Variants in CELF2 observed in about 807,000 individuals in gnomAD.
The protein encoded by CELF2 is CUGBP Elav-like family member 2.
Under a neutral mutation model 62.6 loss-of-function variants are expected in CELF2, and 8 were observed. That is an observed-to-expected ratio of 0.13 (90% confidence interval 0.07 to 0.23). The LOEUF (loss-of-function observed/expected upper bound fraction) is 0.23, where lower values mean the gene tolerates loss of function less well. CELF2 is among the 10% of genes least tolerant of loss of function. The pLI, the probability that CELF2 is intolerant of heterozygous loss-of-function variation, is 1.00. For synonymous variants in CELF2, 258 were observed against 250.0 expected (o/e 1.03, Z -0.30); for missense variants, 333 against 671.0 (o/e 0.50, Z 5.56).
At chr10:10,558,779 G>A in the CELF2 span, among the ~76,000 whole-genome samples, 1 of 152,052 alleles carries the variant, frequency 6.6e-6, no homozygotes, top group Admixed American at 6.6e-5. Context: ...TGTATGTGTC[G>A]AGGAAATTTA....
chr10:10,765,534 T>C, the CELF2 span, among the ~76,000 whole-genome samples: 1 of 152,296 alleles, frequency 6.6e-6, no homozygotes, highest in East Asian at 1.9e-4. Context: ...TGGGCTTTAT[T>C]GCTGTGAGAA....
chr10:10,805,482 G>A (rs2055125316), intron 1 of CELF2, among the ~76,000 whole-genome samples: 2 of 152,182 alleles, frequency 1.3e-5, no homozygotes, highest in South Asian at 2.1e-4. Flanking sequence ...AGAGCTGCAG[G>A]AAGAGGTGTT....
Position 11,331,928 on chromosome 10 carries a change from TG to T in CELF2, c.*2877del, listed in dbSNP as rs1301770163. 2 of 152,430 alleles carry T rather than the reference TG, an allele frequency of 1.3e-5. No individual in the cohort carries two copies. The highest frequency in any genetic ancestry group is 2.9e-5 in the Non-Finnish European group (2 of 68,044). The allele number at this position is 152,430 out of a possible 1,614,324, so 9.4% of individuals were successfully genotyped here. The stretch of plus-strand genomic sequence containing the variant: ...AGTTTGTTTTGGGGTGTTTCCAATT[TG>T]GATTTTTTTCCCTGCATCTATCCTC... On this transcript the variant is annotated 3_prime_UTR_variant, in exon 13 of 13. Transcript: ENST00000633077.
chr10:10,534,443 G>A, the CELF2 span, among the ~76,000 whole-genome samples: 3 of 152,164 alleles, frequency 2.0e-5, no homozygotes, highest in East Asian at 1.9e-4. Context: ...GCGAGTTTCC[G>A]AGGAACCTAG....
the CELF2 span, among the ~76,000 whole-genome samples, chr10:10,604,641 C>T: frequency 6.6e-6 from 1 of 152,198 alleles, no homozygotes; most frequent in Admixed American, 6.5e-5. Context: ...GAATTACCTA[C>T]CTGTTCTAGC....
At chr10:10,520,776 C>T in the CELF2 span, among the ~76,000 whole-genome samples, 1 of 152,082 alleles carries the variant, frequency 6.6e-6, no homozygotes, top group Non-Finnish European at 1.5e-5. Flanking sequence ...AAACAAATAG[C>T]AGATGCATCA....
At chr10:11,082,972 GAATA>G (rs1455874739) in intron 1 of CELF2, among the ~76,000 whole-genome samples, 7 of 152,184 alleles carry the variant, frequency 4.6e-5, no homozygotes, top group Non-Finnish European at 7.3e-5. Flanking sequence ...TCTCTAAGCT[GAATA>G]AATAGATGTC....
rs2056847226 is a variant in CELF2, at chr10:11,117,650, A to C, written c.75-47836A>C. Reference sequence around the variant, plus strand: ...CATGAATATGATCCTTGCTGACATTAAAATGGAGCAGTGGTCTCCATTCCA... The same window carrying C: ...CATGAATATGATCCTTGCTGACATTCAAATGGAGCAGTGGTCTCCATTCCA... On this transcript the variant is annotated intron_variant, in intron 1 of 12. Transcript: ENST00000633077. This position sits in a 1 kb window ranked among gnomAD's most constrained non-coding sequence, Gnocchi z 4.1. Among the ~76,000 whole-genome samples the C allele has an allele frequency of 6.6e-6, 1 of 152,196 alleles. No homozygotes were observed. The highest frequency in any genetic ancestry group is 1.5e-5 in the Non-Finnish European group (1 of 68,024).
the CELF2 span, among the ~76,000 whole-genome samples, chr10:10,498,832 G>A: frequency 6.6e-6 from 1 of 152,122 alleles, no homozygotes; most frequent in Non-Finnish European, 1.5e-5. Context: ...ACAATTAATG[G>A]TCTCATTAAG....
At chr10:10,567,088 A>T in the CELF2 span, among the ~76,000 whole-genome samples, 4 of 152,238 alleles carry the variant, frequency 2.6e-5, no homozygotes, top group Admixed American at 6.5e-5. Context: ...AAGAAAAGAC[A>T]GTCTGAATAA....
chr10:11,038,644 G>A (rs746168967), intron 1 of CELF2, among the ~76,000 whole-genome samples: 1 of 152,072 alleles, frequency 6.6e-6, no homozygotes, highest in Non-Finnish European at 1.5e-5. Context: ...AGGAAAATTT[G>A]AATATCCATT....
rs928477262 is a variant in CELF2 at position 11,246,681 on chromosome 10, C to A, written c.355-2472C>A. Among the ~76,000 whole-genome samples the A allele has an allele frequency of 3.9e-5, 6 of 152,208 alleles. No individual in the cohort carries two copies. Among genetic ancestry groups the A allele is most frequent in the African/African-American group, 1.4e-4 (6 of 41,440 alleles). On this transcript the variant is annotated intron_variant, in intron 3 of 12. Coordinates refer to ENST00000633077, the MANE Select transcript of CELF2 (RefSeq NM_001326342.2). The surrounding 1 kb of genome is among the most constrained non-coding windows in gnomAD (Gnocchi z 4.6). Reference sequence around the variant, plus strand: ...CAGTTGCTCCTGCAGCTCCTCCTGCCCCTCACTCTGCTCTCCTTGGACTCC... The same window carrying A: ...CAGTTGCTCCTGCAGCTCCTCCTGCACCTCACTCTGCTCTCCTTGGACTCC...
At chr10:10,667,461 A>G in the CELF2 span, among the ~76,000 whole-genome samples, 7 of 152,222 alleles carry the variant, frequency 4.6e-5, no homozygotes, top group African/African-American at 1.7e-4. Flanking sequence ...GTTTTTTAGC[A>G]CAAAAGGCCA....
At position 11,165,300 on chromosome 10, in the gene CELF2, G is replaced by A. The variant is rs1257432912; in HGVS notation, c.75-186G>A. On this transcript the variant is annotated intron_variant, in intron 1 of 12. Transcript: ENST00000633077. This position sits in a 1 kb window ranked among gnomAD's most constrained non-coding sequence, Gnocchi z 7.4. ...AGCACGCAGTGAGAGCCTCGCCGCC[G>A]CCGAGGAGCAACTCATGGTGCCTCC... 7.1e-6 allele frequency: 10 copies of A among 1,401,026 alleles called. No individual in the cohort carries two copies. Among genetic ancestry groups the A allele is most frequent in the Non-Finnish European group, 9.3e-6 (10 of 1,079,730 alleles). 86.8% of individuals were successfully genotyped at this position (1,401,026 alleles called of 1,614,324 possible).
intron 1 of CELF2, among the ~76,000 whole-genome samples, chr10:10,851,832 C>T (rs2059401486): frequency 6.6e-6 from 1 of 152,020 alleles, no homozygotes; most frequent in Non-Finnish European, 1.5e-5. Context: ...TATAGATGAC[C>T]AATAAGCATA....
chr10:10,799,272 G>A (rs1302308800), intron 1 of CELF2, among the ~76,000 whole-genome samples: 3 of 152,052 alleles, frequency 2.0e-5, no homozygotes, highest in Non-Finnish European at 4.4e-5. Flanking sequence ...TTGAGGTCAG[G>A]AGTTCGAGAC....
chr10:10,814,452 G>A (rs930454093), intron 1 of CELF2, among the ~76,000 whole-genome samples: 16 of 152,084 alleles, frequency 1.1e-4, no homozygotes, highest in Admixed American at 2.0e-4. Context: ...AATAAAGTTC[G>A]CTCATGGCTT....
the CELF2 span, among the ~76,000 whole-genome samples, chr10:10,577,179 C>G: frequency 6.6e-6 from 1 of 152,018 alleles, no homozygotes; most frequent in African/African-American, 2.4e-5. Context: ...TCAGGACACA[C>G]AGAAATAAAT....
At position 11,110,535 on chromosome 10, in the gene CELF2, G is replaced by C. The variant is rs1806680488; in HGVS notation, c.75-54951G>C. ...TTGATGAAATACACTAATGCATGGA[G>C]TAGAAACAGAGGGGCTTTAATGGAG... On this transcript the variant is annotated intron_variant, in intron 1 of 12. Transcript: ENST00000633077. The surrounding 1 kb of genome is among the most constrained non-coding windows in gnomAD (Gnocchi z 4.0). Among the ~76,000 whole-genome samples, 1 of 152,186 alleles carries C rather than the reference G, an allele frequency of 6.6e-6. No homozygotes were observed. The highest frequency in any genetic ancestry group is 2.1e-4 in the South Asian group (1 of 4,830).
Sources: gnomAD v4.1 joint callset for allele counts (sites outside exome capture counted in the v4.1 genomes callset) on GRCh38, gnomAD v4.1.1 for gene constraint, Gnocchi (gnomAD v3.1) non-coding constraint, MANE v1.5 for transcripts, NCBI Gene and HGNC (gene_info 2026-07-23, HGNC 2026-07-21) for gene names.